The following FAT2 variants were observed in gnomAD, a reference collection of about 807,000 sequenced individuals.
FAT2 encodes the protein FAT atypical cadherin 2.
Under a neutral mutation model 295.3 loss-of-function variants are expected in FAT2, and 150 were observed. The ratio of observed to expected loss-of-function variants is 0.51; its 90% CI spans 0.44 to 0.58. The LOEUF is 0.58. FAT2 is among the 20% of genes least tolerant of loss of function. The pLI, the probability that FAT2 is intolerant of heterozygous loss-of-function variation, is 0.00. For missense variants in FAT2, 4,868 were observed against 5,442.7 expected (o/e 0.89, Z 3.32); for synonymous variants, 2,026 against 2,150.3 (o/e 0.94, Z 1.60).
intron 1 of FAT2, among the ~76,000 whole-genome samples, chr5:151,576,970 G>T (rs1056844259): frequency 6.6e-6 from 1 of 152,132 alleles, no homozygotes; most frequent in African/African-American, 2.4e-5. Flanking sequence ...TAACACAATG[G>T]TAAGTATTTG....
intron 20 of FAT2, among the ~76,000 whole-genome samples, chr5:151,515,512 G>A (rs76646154): frequency 0.024 from 3,650 of 152,118 alleles, 67 homozygotes; most frequent in South Asian, 0.057. Context: ...TTACACATCC[G>A]AAACTGCACT....
At chr5:151,525,096 A>G (rs183219533) in intron 18 of FAT2, among the ~76,000 whole-genome samples, 1 of 152,340 alleles carries the variant, frequency 6.6e-6, no homozygotes, top group African/African-American at 2.4e-5. Flanking sequence ...TAGATGCTCA[A>G]TAAATACTTG....
At position 151,529,247 on chromosome 5, in the gene FAT2, G is replaced by C. The variant is rs772208415; in HGVS notation, c.9957C>G (p.Pro3319=). The change falls in exon 15 of 24, where the codon CCC becomes CCG. Residue 3319 remains proline, a synonymous_variant. Transcript: ENST00000261800. The part of the protein sequence containing the change: ...VNITDVNEHR[P]QFPQDPYSTR... Reference sequence around the variant, plus strand: ...TGCTATATGGATCTTGGGGGAATTGGGGCCGGTGTTCATTGACATCAGTGA... The same window carrying C: ...TGCTATATGGATCTTGGGGGAATTGCGGCCGGTGTTCATTGACATCAGTGA... The C allele has an allele frequency of 1.9e-6, 3 of 1,614,102 alleles. No individual in the cohort carries two copies. Among genetic ancestry groups the C allele is most frequent in the Non-Finnish European group, 2.5e-6 (3 of 1,180,020 alleles).
chr5:151,590,455 C>G (rs1252343942), intron 1 of FAT2, among the ~76,000 whole-genome samples: 1 of 152,218 alleles, frequency 6.6e-6, no homozygotes, highest in African/African-American at 2.4e-5. Flanking sequence ...CTCCTGCCTC[C>G]AGAGATATGC....
upstream of FAT2, among the ~76,000 whole-genome samples, chr5:151,594,324 T>G (rs1049894821): frequency 6.6e-6 from 1 of 152,162 alleles, no homozygotes; most frequent in African/African-American, 2.4e-5. Context: ...CCTACTCTAT[T>G]GGAAGTTCCT....
Position 151,542,948 on chromosome 5 carries a change from C to G in FAT2, c.8179G>C (p.Val2727Leu). 4.3e-6 allele frequency: 7 copies of G among 1,614,230 alleles called. No individual in the cohort carries two copies. Among genetic ancestry groups the G allele is most frequent in the Non-Finnish European group, 5.9e-6 (7 of 1,180,038 alleles). Residue 2727 changes from valine (V) to leucine (L), a missense_variant, in exon 10 of 24, where the codon GTG becomes CTG. Coordinates refer to ENST00000261800, the MANE Select transcript of FAT2 (RefSeq NM_001447.3). ...TTGCTCTCAGGTGTAGTGCCCCGCA[C>G]TAGACTGTAGATGACTGGATCTTGA... Reference protein sequence around the residue: ...AAQDPVIYSLVRGTTPESNKD... With the variant: ...AAQDPVIYSLLRGTTPESNKD...
upstream of FAT2, among the ~76,000 whole-genome samples, chr5:151,592,554 A>G (rs1044822470): frequency 2.6e-5 from 4 of 152,216 alleles, no homozygotes; most frequent in Non-Finnish European, 5.9e-5. Flanking sequence ...GCTCTTAGCA[A>G]TTCTAGCTGA....
intron 22 of FAT2, 113 bp from the exon 23 acceptor site, chr5:151,507,724 T>C: frequency 1.0e-6 from 1 of 961,014 alleles, no homozygotes; most frequent in Non-Finnish European, 1.5e-6. Context: ...CCATCTCCCG[T>C]TTTTCACCCC....
intron 20 of FAT2, among the ~76,000 whole-genome samples, chr5:151,516,294 G>C (rs530178290): frequency 2.0e-5 from 3 of 152,298 alleles, no homozygotes; most frequent in East Asian, 3.9e-4. Flanking sequence ...TGGATCGCTT[G>C]AGGCCAGGAG....
At chr5:151,529,529 C>A in intron 14 of FAT2, 137 bp from the exon 15 acceptor site, 2 of 661,066 alleles carry the variant, frequency 3.0e-6, no homozygotes, top group East Asian at 2.7e-5. Flanking sequence ...ATCTCCCCAT[C>A]CATCTCCCTT....
chr5:151,589,179 CAG>C (rs1341010399), intron 1 of FAT2, among the ~76,000 whole-genome samples: 1 of 152,168 alleles, frequency 6.6e-6, no homozygotes, highest in Non-Finnish European at 1.5e-5. Context: ...ATCCAAAAGA[CAG>C]GGTTTATCCA....
intron 3 of FAT2, among the ~76,000 whole-genome samples, chr5:151,560,039 C>T (rs1757954609): frequency 6.6e-6 from 1 of 152,182 alleles, no homozygotes; most frequent in African/African-American, 2.4e-5. Flanking sequence ...TATGACCTTT[C>T]ATCTTCCCTC....
At chr5:151,562,910 A>T (rs1758080913) in intron 3 of FAT2, among the ~76,000 whole-genome samples, 1 of 152,100 alleles carries the variant, frequency 6.6e-6, no homozygotes, top group South Asian at 2.1e-4. Flanking sequence ...TCAGTCTGGA[A>T]CTAGGGTTAA....
Position 151,542,433 on chromosome 5 carries a change from A to T in FAT2, c.8694T>A (p.Asp2898Glu). The T allele has an allele frequency of 6.2e-7, 1 of 1,614,072 alleles. No individual in the cohort carries two copies. Among genetic ancestry groups the T allele is most frequent in the Non-Finnish European group, 8.5e-7 (1 of 1,180,006 alleles). Residue 2898 changes from aspartate (D) to glutamate (E), a missense_variant, in exon 10 of 24, where the codon GAT (aspartate) becomes GAA (glutamate). By Grantham distance (45) the Asp-to-Glu change is conservative (BLOSUM62 2). This residue lies in a region of FAT2 where 3,297 missense variants were observed against 3,669.4 expected (regional missense o/e 0.90). Transcript: ENST00000261800. ...SQALVQVSIT[D>E]ENDNAPRFAS... ...CAAATCGGGGAGCATTGTCATTCTC[A>T]TCTGTAATGGAGACCTGAACCAGGG... is the stretch of plus-strand genomic sequence containing the variant.
chr5:151,513,697 A>T (rs1310598743), intron 20 of FAT2, among the ~76,000 whole-genome samples: 2 of 152,200 alleles, frequency 1.3e-5, no homozygotes, highest in Admixed American at 1.3e-4. Context: ...CCTATGATAC[A>T]TCGGTTACCC....
Position 151,505,418 on chromosome 5 carries a change from A to T in FAT2, c.*147T>A. On this transcript the variant is annotated 3_prime_UTR_variant, in exon 24 of 24. Transcript: ENST00000261800. Reference sequence around the variant, plus strand: ...CCTCAGGGACTAGGTGGGGGATTGGAAGAGCACATTTCAAGGGACAACAGC... The same window carrying T: ...CCTCAGGGACTAGGTGGGGGATTGGTAGAGCACATTTCAAGGGACAACAGC... 1.1e-6 allele frequency: 1 copy of T among 929,502 alleles called. No individual in the cohort carries two copies. 57.6% of individuals were successfully genotyped at this position (929,502 alleles called of 1,614,324 possible).
rs753184938 is a variant in FAT2 at position 151,545,651 on chromosome 5, A to C, written c.5476T>G (p.Ser1826Ala). The part of the protein sequence containing the change: ...DPSMGTLTIV[S>A]EMDYESMPSF... ...GGCATGCTCTCATAATCCATCTCTGATACAATGGTTAGGGTTCCCATGCTG... is the reference window on the plus strand; with the variant it reads ...GGCATGCTCTCATAATCCATCTCTGCTACAATGGTTAGGGTTCCCATGCTG... Residue 1826 changes from serine (S) to alanine (A), a missense_variant, in exon 10 of 24, where the codon TCA (serine) becomes GCA (alanine). Transcript: ENST00000261800. The C allele has an allele frequency of 1.9e-6, 3 of 1,614,218 alleles. No individual in the cohort carries two copies. Among genetic ancestry groups the C allele is most frequent in the Non-Finnish European group, 2.5e-6 (3 of 1,180,034 alleles).
intron 16 of FAT2, 111 bp downstream of exon 16, chr5:151,527,885 T>G (rs1211690559): frequency 7.2e-7 from 1 of 1,389,844 alleles, no homozygotes; most frequent in Non-Finnish European, 9.9e-7. Context: ...TCTGGGAAGG[T>G]CTGAGGAAGT....
intron 13 of FAT2, 96 bp downstream of exon 13, chr5:151,534,313 C>CCTT (rs936871045): frequency 1.1e-6 from 1 of 928,948 alleles, no homozygotes; most frequent in Non-Finnish European, 1.6e-6. Context: ...GAGGCACCGC[C>CCTT]CTTACCAGTC....
Sources: gnomAD v4.1 joint callset for allele counts (sites outside exome capture counted in the v4.1 genomes callset) on GRCh38, gnomAD v4.1.1 for gene constraint, gnomAD v4.1.1 regional missense constraint, MANE v1.5 for transcripts, NCBI Gene and HGNC (gene_info 2026-07-23, HGNC 2026-07-21) for gene names.